The following DLG2 variants were observed in gnomAD, a reference collection of about 807,000 sequenced individuals.
The protein encoded by DLG2 is disks large homolog 2.
A neutral mutation model predicts 132.5 loss-of-function variants in DLG2; 45 were observed. The observed-to-expected ratio is 0.34, with a 90% CI of 0.27 to 0.44. The LOEUF is 0.44. Ranked by LOEUF, DLG2 falls within the 20% of genes least tolerant of loss-of-function variation. DLG2 has a pLI of 1.00. For synonymous variants in DLG2, 424 were observed against 419.6 expected, an observed-to-expected ratio of 1.01 and a Z score of -0.13; for missense variants, 1,045 against 1,196.9, an observed-to-expected ratio of 0.87 and a Z score of 1.87.
chr11:84,812,529 A>T (rs1258279350), intron 6 of DLG2, among the ~76,000 whole-genome samples: 2 of 152,286 alleles, frequency 1.3e-5, no homozygotes, highest in South Asian at 2.1e-4. Flanking sequence ...GTGTCATGTG[A>T]TGCCTCTCCA....
chr11:84,718,782 A>C (rs1199971237), intron 6 of DLG2, among the ~76,000 whole-genome samples: 1 of 152,198 alleles, frequency 6.6e-6, no homozygotes. Flanking sequence ...GAGAGAACCT[A>C]ACTCCTTAGT....
At chr11:83,593,364 A>C (rs1399184064) in intron 19 of DLG2, among the ~76,000 whole-genome samples, 1 of 151,508 alleles carries the variant, frequency 6.6e-6, no homozygotes, top group Non-Finnish European at 1.5e-5. Context: ...TGAAATTGGA[A>C]ATCATCATTC....
chr11:83,969,203 C>A (rs2090847279), intron 12 of DLG2, among the ~76,000 whole-genome samples: 1 of 152,120 alleles, frequency 6.6e-6, no homozygotes, highest in African/African-American at 2.4e-5. Flanking sequence ...TCAATTGGAT[C>A]ACAAGCCTCC....
chr11:84,937,874 T>C (rs2048939368), intron 6 of DLG2, among the ~76,000 whole-genome samples: 1 of 152,226 alleles, frequency 6.6e-6, no homozygotes, highest in African/African-American at 2.4e-5. Context: ...TGATGGCACA[T>C]TGCACTGTCT....
intron 9 of DLG2, among the ~76,000 whole-genome samples, chr11:84,109,716 C>G (rs1411064145): frequency 6.6e-6 from 1 of 152,110 alleles, no homozygotes; most frequent in East Asian, 1.9e-4. Flanking sequence ...GAGTGAGTTC[C>G]TCTTTTGTAG....
intron 11 of DLG2, among the ~76,000 whole-genome samples, chr11:84,024,292 T>C (rs2095480964): frequency 6.6e-6 from 1 of 152,188 alleles, no homozygotes; most frequent in African/African-American, 2.4e-5. Context: ...AAGGTCCTTA[T>C]CATCTTTAGT....
At chr11:84,731,504 A>G (rs968916029) in intron 6 of DLG2, among the ~76,000 whole-genome samples, 1 of 151,990 alleles carries the variant, frequency 6.6e-6, no homozygotes, top group African/African-American at 2.4e-5. Flanking sequence ...TGAGATAAGA[A>G]AAATAAGTGG....
In DLG2 at chr11:85,598,775, A is replaced by G; in HGVS notation, c.-79T>C. The G allele has an allele frequency of 8.7e-7, 1 of 1,145,966 alleles. No homozygotes were observed. The highest frequency in any genetic ancestry group is 1.2e-6 in the Non-Finnish European group (1 of 814,038). The allele number at this position is 1,145,966 out of a possible 1,614,324, so 71.0% of individuals were successfully genotyped here. ...TGCAGTATTCTTCCAGTAATGATAA[A>G]GCTCGGTCAGTATCTGAAAAACATG... On this transcript the variant is annotated 5_prime_UTR_variant, in exon 3 of 28. Coordinates refer to ENST00000376104, the MANE Select transcript of DLG2 (RefSeq NM_001142699.3).
intron 3 of DLG2, among the ~76,000 whole-genome samples, chr11:85,397,994 T>G (rs1007507227): frequency 4.6e-5 from 7 of 152,012 alleles, no homozygotes; most frequent in Admixed American, 3.9e-4. Context: ...AGCACCACAT[T>G]GCACTTATTC....
At chr11:84,916,721 C>T (rs951777306) in intron 6 of DLG2, among the ~76,000 whole-genome samples, 1 of 152,098 alleles carries the variant, frequency 6.6e-6, no homozygotes, top group African/African-American at 2.4e-5. Context: ...GTGACCCTTC[C>T]GTTCAAAACA....
chr11:85,130,556 G>A (rs1158141464), intron 5 of DLG2, among the ~76,000 whole-genome samples: 3 of 152,206 alleles, frequency 2.0e-5, no homozygotes, highest in African/African-American at 7.2e-5. Flanking sequence ...GAAATGTGCT[G>A]TGAATGAAAT....
chr11:85,165,259 A>G (rs2152482458), intron 4 of DLG2, among the ~76,000 whole-genome samples: 1 of 152,298 alleles, frequency 6.6e-6, no homozygotes, highest in East Asian at 1.9e-4. Context: ...TTTTATGTGA[A>G]ATAGCTTGAC....
At chr11:85,335,711 G>A (rs542824527) in intron 3 of DLG2, among the ~76,000 whole-genome samples, 20 of 152,030 alleles carry the variant, frequency 1.3e-4, no homozygotes, top group East Asian at 5.8e-4. Flanking sequence ...GACAAACACC[G>A]CATGTTCTCA....
chr11:83,753,367 G>C (rs375411147), intron 18 of DLG2, among the ~76,000 whole-genome samples: 30 of 152,098 alleles, frequency 2.0e-4, no homozygotes, highest in Admixed American at 1.9e-3. Context: ...AGGTTGCAGT[G>C]AGCCAAGATT....
intron 6 of DLG2, among the ~76,000 whole-genome samples, chr11:84,674,037 T>G (rs1176320513): frequency 6.6e-6 from 1 of 152,148 alleles, no homozygotes; most frequent in East Asian, 1.9e-4. Context: ...GGCACAAAAC[T>G]CACATAATGT....
intron 3 of DLG2, among the ~76,000 whole-genome samples, chr11:85,347,556 T>C (rs748224590): frequency 5.9e-5 from 9 of 152,048 alleles, no homozygotes; most frequent in Non-Finnish European, 1.2e-4. Flanking sequence ...ATTTCCCCTC[T>C]CCTCTGTCCC....
At chr11:84,370,219 G>A (rs2098700411) in intron 7 of DLG2, among the ~76,000 whole-genome samples, 2 of 152,020 alleles carry the variant, frequency 1.3e-5, no homozygotes, top group Admixed American at 1.3e-4. Flanking sequence ...GATCTGAGCT[G>A]CCTCTCACCT....
At chr11:85,250,519 C>T (rs2076347293) in intron 4 of DLG2, among the ~76,000 whole-genome samples, 1 of 152,016 alleles carries the variant, frequency 6.6e-6, no homozygotes, top group African/African-American at 2.4e-5. Flanking sequence ...ATTTACTACC[C>T]AATTTTTTAG....
intron 3 of DLG2, among the ~76,000 whole-genome samples, chr11:85,428,131 T>A (rs2090905632): frequency 6.6e-6 from 1 of 152,140 alleles, no homozygotes; most frequent in Non-Finnish European, 1.5e-5. Context: ...ATAAAGCAAG[T>A]CCTGAGAGAC....
Sources: allele counts gnomAD v4.1 joint callset (sites outside exome capture counted in the v4.1 genomes callset), GRCh38; gene constraint gnomAD v4.1.1; transcripts MANE v1.5; gene names NCBI Gene and HGNC (gene_info 2026-07-23, HGNC 2026-07-21).